REV1: variants seen among roughly 807,000 people sequenced by gnomAD.
REV1 encodes the protein translesion synthesis protein REV1.
REV1 carries 42 observed loss-of-function variants against 137.4 expected under a neutral mutation model. The ratio of observed to expected loss-of-function variants is 0.31; its 90% CI spans 0.24 to 0.40. The LOEUF (loss-of-function observed/expected upper bound fraction) is 0.40. Ranked by LOEUF, REV1 falls within the 10% of genes least tolerant of loss-of-function variation. The pLI, the probability that REV1 is intolerant of heterozygous loss-of-function variation, is 1.00. For synonymous variants in REV1, 524 were observed against 519.2 expected, an observed-to-expected ratio of 1.01 and a Z score of -0.12; for missense variants, 1,282 against 1,490.1, an observed-to-expected ratio of 0.86 and a Z score of 2.30.
At chr2:99,407,080 CTTTTTTTTTTTT>C (rs869170472) in intron 15 of REV1, among the ~76,000 whole-genome samples, 8 of 60,046 alleles carry the variant, frequency 1.3e-4, no homozygotes, top group South Asian at 7.7e-4. Context: ...TACAAAGGTT[CTTTTTTTTTTTT>C]TTTTTTTTTT....
chr2:99,430,184 G>A (rs891218736), intron 8 of REV1, among the ~76,000 whole-genome samples: 3 of 151,546 alleles, frequency 2.0e-5, no homozygotes, highest in African/African-American at 4.8e-5. Flanking sequence ...GTCCTGGGAG[G>A]TTTGTTTTTT....
chr2:99,482,429 G>A (rs376663157), intron 1 of REV1, among the ~76,000 whole-genome samples: 1 of 152,188 alleles, frequency 6.6e-6, no homozygotes, highest in Admixed American at 6.5e-5. Flanking sequence ...TGGGAACTCC[G>A]AAAGTTGTAG....
At chr2:99,405,745 AT>A (rs1247855606) in intron 17 of REV1, 164 bp downstream of exon 17, 1 of 473,140 alleles carries the variant, frequency 2.1e-6, no homozygotes, top group African/African-American at 2.0e-5. Context: ...AATATTGCTT[AT>A]TTAGAATCCA....
chr2:99,438,925 A>G lies in REV1; in HGVS notation c.889T>C (p.Ser297Pro). The change falls in exon 6 of 23, where the codon TCT (serine) becomes CCT (proline). Residue 297 changes from serine (S) to proline (P), a missense_variant. By Grantham distance (74) the Ser-to-Pro change is moderately conservative. Around this residue, in one of 7 missense-constraint regions of REV1, gnomAD observed 432 missense variants for 438.0 expected, o/e 0.99. Coordinates refer to ENST00000258428, the MANE Select transcript of REV1 (RefSeq NM_016316.4). Reference sequence around the variant, plus strand: ...CTGTGCAAAGGTGATAATGAGAAAGAATTAGTTCTGTGTGGATTCCGCAAA... The same window carrying G: ...CTGTGCAAAGGTGATAATGAGAAAGGATTAGTTCTGTGTGGATTCCGCAAA... The part of the protein sequence containing the change: ...DALRNPHRTN[S>P]FSLSPLHSNT... 5.6e-6 allele frequency: 9 copies of G among 1,614,164 alleles called. No individual in the cohort carries two copies. The highest frequency in any genetic ancestry group is 7.6e-6 in the Non-Finnish European group (9 of 1,180,012).
chr2:99,408,194 A>G, intron 14 of REV1, 63 bp from the exon 15 acceptor site: 1 of 863,868 alleles, frequency 1.2e-6, no homozygotes. Context: ...GTACTAAAGT[A>G]GTATGGAACT....
rs200602854 is a variant in REV1, at chr2:99,447,716, G to GT, written c.350+1619dup. ...ACAAGGTCCTGAGTGACTGCATAAAGTTTTTTTTTTTTTTCTTTTTCCTGA... is the reference window on the plus strand; with the variant it reads ...ACAAGGTCCTGAGTGACTGCATAAAGTTTTTTTTTTTTTTTCTTTTTCCTGA... On this transcript the variant is annotated intron_variant, in intron 4 of 22. Coordinates refer to ENST00000258428, the MANE Select transcript of REV1 (RefSeq NM_016316.4). Among the ~76,000 whole-genome samples, 1,352 of 145,228 alleles carry GT rather than the reference G, an allele frequency of 9.3e-3. 3 individuals carry two copies. The highest frequency in any genetic ancestry group is 0.012 in the African/African-American group (498 of 39,984).
At position 99,465,005 on chromosome 2, in the gene REV1, A is replaced by C; in HGVS notation, c.-10-20T>G. The stretch of plus-strand genomic sequence containing the variant: ...GAGCTTCTGTATTGGGGAGGAAAAA[A>C]AAAATGTCAATTTTATAACATAATG... On this transcript the variant is annotated intron_variant, in intron 1 of 22. Coordinates refer to ENST00000258428, the MANE Select transcript of REV1 (RefSeq NM_016316.4). 6.3e-7 allele frequency: 1 copy of C among 1,580,650 alleles called. No individual in the cohort carries two copies. Among genetic ancestry groups the C allele is most frequent in the African/African-American group, 1.4e-5 (1 of 73,844 alleles).
chr2:99,459,941 C>G (rs1474680908), intron 3 of REV1, among the ~76,000 whole-genome samples: 4 of 152,082 alleles, frequency 2.6e-5, no homozygotes, highest in Non-Finnish European at 5.9e-5. Flanking sequence ...ATCAAGAACA[C>G]TTGGATTATT....
chr2:99,425,056 A>G (rs1015479621), intron 9 of REV1, among the ~76,000 whole-genome samples: 6 of 152,268 alleles, frequency 3.9e-5, no homozygotes, highest in African/African-American at 1.4e-4. Flanking sequence ...AAAAAATTAT[A>G]GTAAAAACAA....
At position 99,487,386 on chromosome 2, in the gene REV1, G is replaced by GAT. The variant is rs1403285929; in HGVS notation, c.-11+2430_-11+2431insAT. ...CTGGTTGTCAAGGTGAATCCCTAGG[G>GAT]AACAGTCAGGGAGCAAGAGAAATAA... On this transcript the variant is annotated intron_variant, in intron 1 of 22. Transcript: ENST00000258428. 1.7e-5 allele frequency among the ~76,000 whole-genome samples: 2 copies of GAT among 118,100 alleles called. 1 individual carries two copies. The highest frequency in any genetic ancestry group is 3.7e-5 in the Non-Finnish European group (2 of 54,266). The allele number at this position is 118,100 out of a possible 152,430, so 77.5% of individuals were successfully genotyped here. A position where few individuals can be genotyped will look rare whatever the true frequency, so the allele number is the denominator to read the frequency against.
rs1676593893 is a variant in REV1 at position 99,408,057 on chromosome 2, A to G, written c.2420T>C (p.Met807Thr). Residue 807 changes from methionine (M) to threonine (T), a missense_variant, in exon 15 of 23, where the codon ATG (methionine) becomes ACG (threonine). Met to Thr is a moderately conservative substitution (Grantham distance 81, BLOSUM62 -1). This residue lies in a region of REV1 where 372 missense variants were observed against 482.3 expected (regional missense o/e 0.77). Transcript: ENST00000258428. ...TCTCATATCTGATATATTTAGTTTC[A>G]TTGTATGAAACATGTTTAGCATCGC... Reference protein sequence around the residue: ...GKAMLNMFHTMKLNISDMRGV... With the variant: ...GKAMLNMFHTTKLNISDMRGV... 6.2e-7 allele frequency: 1 copy of G among 1,606,972 alleles called. No homozygotes were observed.
At position 99,474,770 on chromosome 2, in the gene REV1, C is replaced by G. The variant is rs888910709; in HGVS notation, c.-10-9785G>C. On this transcript the variant is annotated intron_variant, in intron 1 of 22. Transcript: ENST00000258428. ...GAAAAAAATCAGCCGAGCATGGTAGCAGGAACCTGTAATCCCAGCTACTTG... is the reference window on the plus strand; with the variant it reads ...GAAAAAAATCAGCCGAGCATGGTAGGAGGAACCTGTAATCCCAGCTACTTG... Among the ~76,000 whole-genome samples the G allele has an allele frequency of 2.6e-5, 4 of 152,104 alleles. No homozygotes were observed. The South Asian group carries it at 6.2e-4, about 24-fold the overall frequency.
chr2:99,419,041 T>G (rs1678279162), intron 11 of REV1, 94 bp from the exon 12 acceptor site: 1 of 1,048,544 alleles, frequency 9.5e-7, no homozygotes, highest in Non-Finnish European at 1.4e-6. Context: ...ATCAAGTTTC[T>G]AAAAACAATG....
chr2:99,481,874 A>C (rs1686645029), intron 1 of REV1, among the ~76,000 whole-genome samples: 1 of 152,134 alleles, frequency 6.6e-6, no homozygotes, highest in Admixed American at 6.5e-5. Flanking sequence ...AAAAACAAAA[A>C]AATTTGACTG....
rs756986228 is a variant in REV1 at position 99,438,849 on chromosome 2, C to T, written c.965G>A (p.Ser322Asn). The T allele has an allele frequency of 8.1e-6, 13 of 1,614,068 alleles. No homozygotes were observed. The highest frequency in any genetic ancestry group is 6.6e-5 in the South Asian group (6 of 91,096). The part of the protein sequence containing the change: ...AHHSTVQGPS[S>N]TKSTSSVSTF... Reference sequence around the variant, plus strand: ...AGATACTGAAGAAGTGCTTTTTGTGCTTGAAGGCCCCTGAACAGTGGAGTG... The same window carrying T: ...AGATACTGAAGAAGTGCTTTTTGTGTTTGAAGGCCCCTGAACAGTGGAGTG... Residue 322 changes from serine to asparagine, a missense_variant, in exon 6 of 23, where the codon AGC becomes AAC. Physicochemically the swap from Ser to Asn is conservative, Grantham distance 46 (BLOSUM62 1). Transcript: ENST00000258428.
chr2:99,489,355 C>T (rs1687436922), intron 1 of REV1, among the ~76,000 whole-genome samples: 1 of 152,152 alleles, frequency 6.6e-6, no homozygotes, highest in African/African-American at 2.4e-5. Flanking sequence ...TCTACAAACG[C>T]TTGTGGAACG....
intron 1 of REV1, among the ~76,000 whole-genome samples, chr2:99,471,830 G>C (rs562941238): frequency 6.8e-6 from 1 of 147,746 alleles, no homozygotes; most frequent in South Asian, 2.1e-4. Flanking sequence ...AATCACTATG[G>C]AAATGCAAAT....
intron 3 of REV1, among the ~76,000 whole-genome samples, chr2:99,459,404 A>T (rs1251114659): frequency 2.0e-5 from 3 of 152,236 alleles, no homozygotes; most frequent in South Asian, 2.1e-4. Context: ...CTAAAAAAAA[A>T]TTAATTTAAA....
At chr2:99,424,766 C>G in intron 9 of REV1, 1 of 1,303,508 alleles carries the variant, frequency 7.7e-7, no homozygotes, top group Non-Finnish European at 1.0e-6. Context: ...TGTACTCATC[C>G]TATTACCACC....
Sources: allele counts gnomAD v4.1 joint callset (sites outside exome capture counted in the v4.1 genomes callset), GRCh38; gene constraint gnomAD v4.1.1; regional missense constraint gnomAD v4.1.1; transcripts MANE v1.5; gene names NCBI Gene and HGNC (gene_info 2026-07-23, HGNC 2026-07-21).